Variants in C12orf42 observed in about 807,000 individuals in gnomAD.
C12orf42 encodes the protein chromosome 12 open reading frame 42.
A neutral mutation model predicts 21.6 loss-of-function variants in C12orf42; 25 were observed. The ratio of observed to expected loss-of-function variants is 1.16; its 90% CI spans 0.84 to 1.62. The LOEUF is 1.62. Ranked by LOEUF, C12orf42 falls within the 40% of genes most tolerant of loss-of-function variation. The probability of loss-of-function intolerance (pLI) is 0.00; values close to 1 mark genes in which losing one functional copy is unlikely to be tolerated. For missense variants in C12orf42, 483 were observed against 459.3 expected (o/e 1.05, Z -0.47); for synonymous variants, 174 against 175.0 (o/e 0.99, Z 0.05).
At chr12:103,414,089 G>C (rs1370747477) in intron 2 of C12orf42, among the ~76,000 whole-genome samples, 3 of 152,032 alleles carry the variant, frequency 2.0e-5, no homozygotes, top group South Asian at 2.1e-4. Context: ...CACAGTGGCT[G>C]TACATTCCCA....
chr12:103,482,837 CTT>C (rs1954567267), intron 1 of C12orf42, among the ~76,000 whole-genome samples: 1 of 151,896 alleles, frequency 6.6e-6, no homozygotes, highest in Non-Finnish European at 1.5e-5. Flanking sequence ...TGGATAATCT[CTT>C]TAGATTTACA....
intron 4 of C12orf42, among the ~76,000 whole-genome samples, chr12:103,280,599 A>G (rs547448790): frequency 2.0e-5 from 3 of 152,110 alleles, no homozygotes; most frequent in Non-Finnish European, 4.4e-5. Flanking sequence ...AACCTGGGTG[A>G]CAGAGTGAGA....
At chr12:103,359,734 T>A (rs1367871139) in intron 4 of C12orf42, among the ~76,000 whole-genome samples, 2 of 151,902 alleles carry the variant, frequency 1.3e-5, no homozygotes, top group Non-Finnish European at 2.9e-5. Flanking sequence ...TGCTTATTTA[T>A]TATTTAGTTA....
chr12:103,287,708 T>TAAA (rs1213203462), intron 4 of C12orf42, among the ~76,000 whole-genome samples: 1 of 111,340 alleles, frequency 9.0e-6, no homozygotes. Flanking sequence ...AGTATAATAA[T>TAAA]AAAAAAAAAA....
chr12:103,273,672 A>G (rs1240863620), intron 5 of C12orf42: 1 of 326,298 alleles, frequency 3.1e-6, no homozygotes, highest in East Asian at 7.5e-5. Flanking sequence ...TAAGAATAAG[A>G]AGGTGGTATG....
downstream of C12orf42, among the ~76,000 whole-genome samples, chr12:103,234,015 T>G (rs1262239875): frequency 2.6e-5 from 4 of 152,200 alleles, no homozygotes; most frequent in East Asian, 1.9e-4. Context: ...GTTTTTATGA[T>G]GAATGGGTAT....
At chr12:103,364,671 A>C (rs1235847864) in intron 4 of C12orf42, among the ~76,000 whole-genome samples, 1 of 152,064 alleles carries the variant, frequency 6.6e-6, no homozygotes, top group African/African-American at 2.4e-5. Flanking sequence ...ACATCAGAGA[A>C]ATACAAAATA....
At chr12:103,302,580 G>T in intron 5 of C12orf42, 21 bp from the exon 6 acceptor site, 2 of 1,588,522 alleles carry the variant, frequency 1.3e-6, no homozygotes, top group Non-Finnish European at 8.5e-7. Flanking sequence ...AAGCAGGAAA[G>T]CAGGACAGAG....
chr12:103,376,166 T>C (rs1167841822), intron 3 of C12orf42, among the ~76,000 whole-genome samples: 1 of 152,090 alleles, frequency 6.6e-6, no homozygotes, highest in Admixed American at 6.6e-5. Flanking sequence ...AAAATGCCCA[T>C]CAATGATAGC....
the C12orf42 span, chr12:103,559,929 T>G: frequency 6.6e-6 from 1 of 152,342 alleles, no homozygotes; most frequent in East Asian, 1.9e-4. Flanking sequence ...TCAAAGTTGT[T>G]TAATTACTTG....
chr12:103,087,827 G>A, the C12orf42 span, among the ~76,000 whole-genome samples: 5 of 152,332 alleles, frequency 3.3e-5, no homozygotes, highest in Admixed American at 6.5e-5. Flanking sequence ...AACAGGACAT[G>A]ATTAAAATGT....
At chr12:103,451,369 A>AGC (rs1951929416) in intron 2 of C12orf42, among the ~76,000 whole-genome samples, 1 of 76,024 alleles carries the variant, frequency 1.3e-5, no homozygotes, top group Non-Finnish European at 2.7e-5. Flanking sequence ...TGTGACCACA[A>AGC]GTGTGCCCAC....
At chr12:103,500,884 A>T (rs1955703009), upstream of C12orf42, among the ~76,000 whole-genome samples, 1 of 152,248 alleles carries the variant, frequency 6.6e-6, no homozygotes, top group Non-Finnish European at 1.5e-5. Context: ...TCTTTAAAAG[A>T]CAAGAAAAGA....
chr12:103,323,336 C>A (rs2040367248), intron 4 of C12orf42, among the ~76,000 whole-genome samples: 1 of 152,120 alleles, frequency 6.6e-6, no homozygotes, highest in Admixed American at 6.5e-5. Context: ...TTATGTTCAT[C>A]CAACAAAAAG....
At chr12:103,276,242 A>G (rs952113011) in intron 5 of C12orf42, among the ~76,000 whole-genome samples, 2 of 152,204 alleles carry the variant, frequency 1.3e-5, no homozygotes, top group East Asian at 1.9e-4. Context: ...TTAATAAGCT[A>G]TCTACCAAAA....
At chr12:103,447,645 A>G (rs1951662719) in intron 2 of C12orf42, among the ~76,000 whole-genome samples, 1 of 152,012 alleles carries the variant, frequency 6.6e-6, no homozygotes, top group Non-Finnish European at 1.5e-5. Flanking sequence ...CTATACACCA[A>G]CAGTGACCAA....
At chr12:103,548,072 T>G in the C12orf42 span, 3 of 152,238 alleles carry the variant, frequency 2.0e-5, no homozygotes, top group African/African-American at 7.2e-5. Context: ...AAGGTTTTAC[T>G]AATCTGAATT....
the C12orf42 span, among the ~76,000 whole-genome samples, chr12:103,127,773 G>A: frequency 6.6e-6 from 1 of 152,258 alleles, no homozygotes; most frequent in East Asian, 1.9e-4. Flanking sequence ...TAATGCTGAA[G>A]TTAAGAAACC....
intron 4 of C12orf42, among the ~76,000 whole-genome samples, chr12:103,339,202 T>C (rs2041967589): frequency 6.6e-6 from 1 of 152,234 alleles, no homozygotes; most frequent in Admixed American, 6.5e-5. Context: ...TAAGTTCAAA[T>C]ACACTTTTTA....
Sources: gnomAD v4.1 joint callset for allele counts (sites outside exome capture counted in the v4.1 genomes callset) on GRCh38, gnomAD v4.1.1 for gene constraint, MANE v1.5 for transcripts, NCBI Gene and HGNC (gene_info 2026-07-23, HGNC 2026-07-21) for gene names.